Variants in WDPCP observed in about 807,000 individuals in gnomAD.
The protein encoded by WDPCP is WD repeat-containing and planar cell polarity effector protein fritz homolog.
WDPCP carries 71 observed loss-of-function variants against 93.1 expected under a neutral mutation model. That is an observed-to-expected ratio of 0.76 (90% CI 0.63 to 0.93). The LOEUF (loss-of-function observed/expected upper bound fraction) is 0.93, where lower values mean the gene tolerates loss of function less well. WDPCP is among the 40% of genes least tolerant of loss of function. WDPCP has a pLI of 0.00. For missense variants in WDPCP, 844 were observed against 887.4 expected (o/e 0.95, Z 0.62); for synonymous variants, 315 against 315.0 (o/e 1.00, Z 0.00).
At chr2:63,176,868 C>T (rs1353413777) in intron 14 of WDPCP, among the ~76,000 whole-genome samples, 3 of 152,148 alleles carry the variant, frequency 2.0e-5, no homozygotes, top group Non-Finnish European at 4.4e-5. Context: ...CTAATGTTTT[C>T]TTCTAGCAGT....
At chr2:63,123,047 GAAA>G (rs56122640) in intron 17 of WDPCP, among the ~76,000 whole-genome samples, 1 of 129,314 alleles carries the variant, frequency 7.7e-6, no homozygotes, top group Non-Finnish European at 1.7e-5. Context: ...ACACAAAATT[GAAA>G]AAAAAAAAAA....
the WDPCP span, among the ~76,000 whole-genome samples, chr2:63,839,492 A>C: frequency 6.6e-6 from 1 of 152,234 alleles, no homozygotes; most frequent in African/African-American, 2.4e-5. Flanking sequence ...CGGGAGGCGG[A>C]GGTTGCAGTG....
At chr2:63,441,454 T>G (rs1417711755) in intron 6 of WDPCP, 1 of 152,042 alleles carries the variant, frequency 6.6e-6, no homozygotes, top group African/African-American at 2.4e-5. Context: ...TTTTATCTAC[T>G]AAAGCTTTAC....
At chr2:63,200,669 C>T (rs1334130845) in intron 14 of WDPCP, among the ~76,000 whole-genome samples, 2 of 151,644 alleles carry the variant, frequency 1.3e-5, no homozygotes, top group African/African-American at 4.8e-5. Flanking sequence ...AACCCAGAGG[C>T]TGGAAAGGGT....
At chr2:63,444,566 G>C (rs1697721727) in intron 6 of WDPCP, among the ~76,000 whole-genome samples, 1 of 152,152 alleles carries the variant, frequency 6.6e-6, no homozygotes, top group Non-Finnish European at 1.5e-5. Context: ...AAAGGAAAAA[G>C]AGCACCAAGA....
intron 3 of WDPCP, among the ~76,000 whole-genome samples, chr2:63,632,709 T>C (rs992581609): frequency 1.3e-5 from 2 of 151,934 alleles, no homozygotes; most frequent in Non-Finnish European, 2.9e-5. Flanking sequence ...GTGAAGAAAA[T>C]ATATTTGAAT....
In WDPCP at chr2:63,413,983, G is replaced by GAA. The variant is rs35422709; in HGVS notation, c.826-9328_826-9327dup. Among the ~76,000 whole-genome samples, 85 of 147,562 alleles carry GAA rather than the reference G, an allele frequency of 5.8e-4. No homozygotes were observed. In the South Asian group the frequency reaches 9.8e-3, roughly 17 times the overall value. On this transcript the variant is annotated intron_variant, in intron 9 of 17. Transcript: ENST00000272321. ...ACAACGACCTCAAACAAATCAATAA[G>GAA]AAAAAAAAAATCCCATAAAAAAAGT...
intron 2 of WDPCP, among the ~76,000 whole-genome samples, chr2:63,665,853 C>T (rs1481227487): frequency 6.6e-6 from 1 of 152,144 alleles, no homozygotes; most frequent in Non-Finnish European, 1.5e-5. Flanking sequence ...GTAGACTTTC[C>T]CTACACAGGA....
rs55807956 is a variant in WDPCP, at chr2:63,405,532, A to AGTGTGTGTGTGT, written c.826-887_826-876dup. On this transcript the variant is annotated intron_variant, in intron 9 of 17. Transcript: ENST00000272321. ...GCTAAGTATATGCAGATTTTGGTATAGTGTGTGTGTGTGTGTGTGTGTGTG... is the reference window on the plus strand; with the variant it reads ...GCTAAGTATATGCAGATTTTGGTATAGTGTGTGTGTGTGTGTGTGTGTGTGTGTGTGTGTGTG... Among the ~76,000 whole-genome samples, 481 of 124,996 alleles carry AGTGTGTGTGTGT rather than the reference A, an allele frequency of 3.8e-3. 8 individuals carry two copies. Among genetic ancestry groups the AGTGTGTGTGTGT allele is most frequent in the African/African-American group, 0.014 (430 of 31,748 alleles). 82.0% of individuals were successfully genotyped at this position (124,996 alleles called of 152,430 possible). A position where few individuals can be genotyped will look rare whatever the true frequency, so the allele number is the denominator to read the frequency against.
intron 3 of WDPCP, chr2:63,606,882 T>C (rs1235214544): frequency 6.2e-7 from 1 of 1,611,732 alleles, no homozygotes; most frequent in Non-Finnish European, 8.5e-7. Context: ...GGAAGTTTGT[T>C]GAAGGTCTCC....
intron 9 of WDPCP, among the ~76,000 whole-genome samples, chr2:63,426,260 A>G (rs528800207): frequency 1.3e-5 from 2 of 152,232 alleles, no homozygotes; most frequent in Admixed American, 6.5e-5. Context: ...GAATCGCTTG[A>G]ACCCAGTTTA....
chr2:63,822,966 C>T (rs950495196), intron 1 of WDPCP, among the ~76,000 whole-genome samples: 1 of 151,198 alleles, frequency 6.6e-6, no homozygotes, highest in Non-Finnish European at 1.5e-5. Context: ...ACAAAACACC[C>T]ATTGACAAAT....
intron 13 of WDPCP, among the ~76,000 whole-genome samples, chr2:63,287,948 T>C (rs1684130897): frequency 6.6e-6 from 1 of 152,206 alleles, no homozygotes; most frequent in Non-Finnish European, 1.5e-5. Context: ...TTTCAGAAGT[T>C]AGCAGGTATA....
chr2:63,691,111 A>C (rs921639131), intron 2 of WDPCP, among the ~76,000 whole-genome samples: 5 of 152,324 alleles, frequency 3.3e-5, no homozygotes, highest in Middle Eastern at 3.4e-3. Context: ...TCTCAACTAA[A>C]TCTCACGTGG....
At position 63,802,281 on chromosome 2, in the gene WDPCP, T is replaced by TAAA. The variant is rs58717654; in HGVS notation, n.308+11338_308+11340dup. On this transcript the variant is annotated intron_variant and non_coding_transcript_variant, in intron 2 of 4. Coordinates refer to the WDPCP transcript ENST00000467687. ...GGCAACATTATGATACCCTCTCTCTTAAAAAAAAAAAAAAAAAAAAAAAAA... is the reference window on the plus strand; with the variant it reads ...GGCAACATTATGATACCCTCTCTCTTAAAAAAAAAAAAAAAAAAAAAAAAAAAA... 4.1e-3 allele frequency among the ~76,000 whole-genome samples: 221 copies of TAAA among 54,368 alleles called. 36 individuals carry two copies. Among genetic ancestry groups the TAAA allele is most frequent in the South Asian group, 7.5e-3 (6 of 796 alleles). The allele number at this position is 54,368 out of a possible 152,430, so 35.7% of individuals were successfully genotyped here. A position where few individuals can be genotyped will look rare whatever the true frequency, so the allele number is the denominator to read the frequency against.
intron 14 of WDPCP, among the ~76,000 whole-genome samples, chr2:63,180,473 TTA>T (rs1410383889): frequency 6.6e-6 from 1 of 152,182 alleles, no homozygotes; most frequent in Non-Finnish European, 1.5e-5. Flanking sequence ...TCACTTAAGA[TTA>T]TAGCCTCCAG....
chr2:63,588,171 C>T, intron 1 of WDPCP, 26 bp downstream of exon 1: 2 of 1,553,800 alleles, frequency 1.3e-6, no homozygotes, highest in South Asian at 2.4e-5. Flanking sequence ...TAAAAGAAAA[C>T]CCCTTGCCCT....
chr2:63,203,626 T>C (rs1291321807), intron 14 of WDPCP, among the ~76,000 whole-genome samples: 3 of 152,136 alleles, frequency 2.0e-5, no homozygotes, highest in Admixed American at 2.0e-4. Flanking sequence ...CCAATAACCA[T>C]CCTCACTTCC....
chr2:63,322,969 G>C (rs1485534720), intron 12 of WDPCP, among the ~76,000 whole-genome samples: 2 of 152,322 alleles, frequency 1.3e-5, no homozygotes, highest in African/African-American at 2.4e-5. Flanking sequence ...AGGCTTTCTG[G>C]GAAAGGCCTT....
Sources: allele counts gnomAD v4.1 joint callset (sites outside exome capture counted in the v4.1 genomes callset), GRCh38; gene constraint gnomAD v4.1.1; transcripts MANE v1.5; gene names NCBI Gene and HGNC (gene_info 2026-07-23, HGNC 2026-07-21).